LRRC20: variants seen among roughly 807,000 people sequenced by gnomAD.
The protein encoded by LRRC20 is leucine-rich repeat-containing protein 20.
A neutral mutation model predicts 14.4 loss-of-function variants in LRRC20; 11 were observed. The ratio of observed to expected loss-of-function variants is 0.77; its 90% confidence interval spans 0.48 to 1.27. The LOEUF (loss-of-function observed/expected upper bound fraction) is 1.27. Among genes scored for constraint, LRRC20 ranks in the 50% most tolerant of loss-of-function variants. The pLI, the probability that LRRC20 is intolerant of heterozygous loss-of-function variation, is 0.00. For synonymous variants in LRRC20, 121 were observed against 107.3 expected, an observed-to-expected ratio of 1.13 and a Z score of -0.79; for missense variants, 219 against 251.2, an observed-to-expected ratio of 0.87 and a Z score of 0.87.
chr10:70,332,593 G>A (rs1029747352), intron 3 of LRRC20, among the ~76,000 whole-genome samples: 1 of 152,170 alleles, frequency 6.6e-6, no homozygotes, highest in Non-Finnish European at 1.5e-5. Context: ...GCAGTGAGCC[G>A]AGATTGCACC....
chr10:70,360,525 C>T (rs1003724226), intron 2 of LRRC20, among the ~76,000 whole-genome samples: 9 of 152,208 alleles, frequency 5.9e-5, no homozygotes, highest in African/African-American at 2.2e-4. Flanking sequence ...CAACCTAGAC[C>T]TCTCAGGCTC....
chr10:70,360,462 G>T (rs1843680894), intron 2 of LRRC20, among the ~76,000 whole-genome samples: 2 of 149,144 alleles, frequency 1.3e-5, no homozygotes, highest in African/African-American at 5.0e-5. Context: ...TTTGAGACAG[G>T]GTCTCACTCT....
intron 4 of LRRC20, among the ~76,000 whole-genome samples, chr10:70,316,764 G>A (rs563911042): frequency 1.3e-5 from 2 of 152,340 alleles, no homozygotes; most frequent in South Asian, 2.1e-4. Flanking sequence ...GCTGGCAAGC[G>A]CTCCTTGCAC....
intron 4 of LRRC20, among the ~76,000 whole-genome samples, chr10:70,316,926 A>T (rs1444589904): frequency 1.3e-5 from 2 of 152,246 alleles, no homozygotes; most frequent in Non-Finnish European, 2.9e-5. Flanking sequence ...CATGCAGGCA[A>T]GAAGCTACCA....
chr10:70,312,444 C>G (rs191320859), intron 4 of LRRC20, among the ~76,000 whole-genome samples: 6 of 152,176 alleles, frequency 3.9e-5, no homozygotes, highest in Admixed American at 3.3e-4. Flanking sequence ...AGGGGCTGAG[C>G]CTTCCCTACT....
At chr10:70,340,833 CCAGGCTT>C in intron 2 of LRRC20, 131 bp from the exon 3 acceptor site, 1 of 940,046 alleles carries the variant, frequency 1.1e-6, no homozygotes, top group Admixed American at 2.2e-5. Context: ...CTCCCCAGGA[CCAGGCTT>C]CAGACCCTGC....
chr10:70,355,563 C>T (rs968244385), intron 2 of LRRC20, among the ~76,000 whole-genome samples: 4 of 152,160 alleles, frequency 2.6e-5, no homozygotes, highest in African/African-American at 9.7e-5. Context: ...TCTTCTGAGA[C>T]GTGGGGAAAC....
At chr10:70,325,611 C>T (rs1842287633) in intron 3 of LRRC20, among the ~76,000 whole-genome samples, 1 of 152,198 alleles carries the variant, frequency 6.6e-6, no homozygotes, top group African/African-American at 2.4e-5. Flanking sequence ...GCCTGCCTGC[C>T]AAGGCTGAGG....
intron 4 of LRRC20, among the ~76,000 whole-genome samples, chr10:70,306,584 A>C (rs1313628832): frequency 6.6e-6 from 1 of 152,214 alleles, no homozygotes. Flanking sequence ...TCAGAGGCAC[A>C]CCAAATTCAT....
At position 70,347,041 on chromosome 10, in the gene LRRC20, A is replaced by G. The variant is rs189159905; in HGVS notation, c.83-6339T>C. Among the ~76,000 whole-genome samples, 179 of 152,214 alleles carry G rather than the reference A, an allele frequency of 1.2e-3. 1 individual carries two copies. Among genetic ancestry groups the G allele is most frequent in the African/African-American group, 4.0e-3 (168 of 41,526 alleles). On this transcript the variant is annotated intron_variant, in intron 2 of 4. Coordinates refer to ENST00000446961, the MANE Select transcript of LRRC20 (RefSeq NM_001278212.2). ...GCTGGGACTACAGGTGCATGCCACC[A>G]TGCCCTGCTAATTTTTGTATTTTTA...
intron 3 of LRRC20, among the ~76,000 whole-genome samples, chr10:70,326,297 T>TACACACACACACACACACAC (rs3998644): frequency 7.1e-6 from 1 of 140,382 alleles, no homozygotes; most frequent in Non-Finnish European, 1.5e-5. Flanking sequence ...CGCCTCTGTG[T>TACACACACACACACACACAC]ACACACACAC....
chr10:70,342,905 C>T (rs1842967011), intron 2 of LRRC20, among the ~76,000 whole-genome samples: 1 of 152,182 alleles, frequency 6.6e-6, no homozygotes, highest in Non-Finnish European at 1.5e-5. Context: ...CTCATCTTTT[C>T]CCCAAAGAGG....
chr10:70,322,194 G>A (rs1423118538), intron 4 of LRRC20, among the ~76,000 whole-genome samples: 2 of 152,240 alleles, frequency 1.3e-5, no homozygotes, highest in African/African-American at 2.4e-5. Flanking sequence ...TGAAAGATGA[G>A]AGGGCGCTGA....
At chr10:70,374,802 C>T (rs1157485122) in intron 2 of LRRC20, among the ~76,000 whole-genome samples, 1 of 152,174 alleles carries the variant, frequency 6.6e-6, no homozygotes, top group Non-Finnish European at 1.5e-5. Flanking sequence ...GCTTAGGTCT[C>T]GCCACCAGCT....
chr10:70,366,435 T>A (rs187665541), intron 2 of LRRC20, among the ~76,000 whole-genome samples: 75 of 150,692 alleles, frequency 5.0e-4, no homozygotes, highest in African/African-American at 1.6e-3. Flanking sequence ...AAAAAAAAAA[T>A]AAAATAAAAT....
chr10:70,334,288 T>G, intron 3 of LRRC20, among the ~76,000 whole-genome samples: 1 of 152,216 alleles, frequency 6.6e-6, no homozygotes, highest in Admixed American at 6.5e-5. Context: ...GAGCCCCCTC[T>G]TCTTTTCTCT....
intron 3 of LRRC20, among the ~76,000 whole-genome samples, chr10:70,325,510 C>A (rs1003544268): frequency 3.3e-5 from 5 of 152,206 alleles, no homozygotes; most frequent in African/African-American, 1.2e-4. Flanking sequence ...CACCCAGGGC[C>A]ACTGGGGCTT....
At chr10:70,372,915 C>A (rs1844359257) in intron 2 of LRRC20, among the ~76,000 whole-genome samples, 1 of 146,306 alleles carries the variant, frequency 6.8e-6, no homozygotes, top group Non-Finnish European at 1.5e-5. Flanking sequence ...CCAGCTTGGC[C>A]AACATGGCAA....
At chr10:70,348,529 G>A (rs1035205557) in intron 2 of LRRC20, among the ~76,000 whole-genome samples, 1 of 152,252 alleles carries the variant, frequency 6.6e-6, no homozygotes, top group African/African-American at 2.4e-5. Context: ...ACAGGAGACT[G>A]TAATAAAGTG....
Sources: gnomAD v4.1 joint callset for allele counts (sites outside exome capture counted in the v4.1 genomes callset) on GRCh38, gnomAD v4.1.1 for gene constraint, MANE v1.5 for transcripts, NCBI Gene and HGNC (gene_info 2026-07-23, HGNC 2026-07-21) for gene names.